Variants in ZNF469 observed in about 807,000 individuals in gnomAD.
The protein encoded by ZNF469 is zinc finger protein 469.
In ZNF469, 1 loss-of-function variant was observed where a neutral mutation model predicts 1.0. The observed-to-expected ratio is 1.00, with a 90% CI of 0.35 to 4.73. The LOEUF is 4.73. Ranked by LOEUF, ZNF469 falls within the 30% of genes most tolerant of loss-of-function variation. The pLI is 0.16. For synonymous variants in ZNF469, 2,703 were observed against 2,363.4 expected (o/e 1.14, Z -4.17); for missense variants, 6,100 against 5,356.3 (o/e 1.14, Z -4.33).
the ZNF469 span, among the ~76,000 whole-genome samples, chr16:88,303,489 C>T: frequency 2.0e-5 from 3 of 152,206 alleles, no homozygotes; most frequent in African/African-American, 7.2e-5. Flanking sequence ...GCAGCAGCAC[C>T]TGGCCCTGGC....
chr16:88,283,910 C>G, the ZNF469 span, among the ~76,000 whole-genome samples: 2 of 132,952 alleles, frequency 1.5e-5, no homozygotes, highest in Non-Finnish European at 3.1e-5. Context: ...GGCTGGTAGA[C>G]CCCCAGTGTG....
rs1182013106 is a variant in ZNF469 at position 88,404,508 on chromosome 16, G to A, written c.-191-20299G>A. Among the ~76,000 whole-genome samples, 90 of 152,362 alleles carry A rather than the reference G, an allele frequency of 5.9e-4. 1 individual carries two copies. Among genetic ancestry groups the A allele is most frequent in the Non-Finnish European group, 5.9e-5 (4 of 68,042 alleles). The stretch of plus-strand genomic sequence containing the variant: ...CTGTTAGGCCTTCGTGGTGGGGAGA[G>A]GAAGGGGCAGCTGTCATGGCTGAGC... On this transcript the variant is annotated intron_variant, in intron 1 of 2. Coordinates refer to ENST00000565624, the MANE Select transcript of ZNF469 (RefSeq NM_001367624.2).
rs1215114155 is a variant in ZNF469 at position 88,436,812 on chromosome 16, C to T, written c.9342C>T (p.Ser3114=). 1 of 1,540,230 alleles carries T rather than the reference C, an allele frequency of 6.5e-7. No homozygotes were observed. The highest frequency in any genetic ancestry group is 8.7e-7 in the Non-Finnish European group (1 of 1,146,054). Residue 3114 remains serine (S), a synonymous_variant, in exon 3 of 3, where the codon TCC becomes TCT. Coordinates refer to ENST00000565624, the MANE Select transcript of ZNF469 (RefSeq NM_001367624.2). ...RGRPAKGRRA[S]YKCKVCFQRF... ...GGCCGGCCAAGGGCAGGCGGGCCTC[C>T]TACAAGTGCAAAGTGTGCTTCCAGC...
chr16:88,139,008 A>C, the ZNF469 span, among the ~76,000 whole-genome samples: 1 of 152,246 alleles, frequency 6.6e-6, no homozygotes, highest in Admixed American at 6.5e-5. Flanking sequence ...CAATGTAAAC[A>C]CACAGACATT....
the ZNF469 span, among the ~76,000 whole-genome samples, chr16:88,270,029 C>T: frequency 6.6e-6 from 1 of 152,210 alleles, no homozygotes; most frequent in Non-Finnish European, 1.5e-5. Context: ...GACATCAGCA[C>T]TGCCTCCTGT....
At chr16:88,232,718 G>A in the ZNF469 span, among the ~76,000 whole-genome samples, 18 of 152,348 alleles carry the variant, frequency 1.2e-4, no homozygotes, top group East Asian at 1.9e-4. Flanking sequence ...CCCTGAGAAC[G>A]CCCTGCCTGG....
chr16:88,238,133 C>A, the ZNF469 span, among the ~76,000 whole-genome samples: 1,073 of 152,362 alleles, frequency 7.0e-3, 6 homozygotes, highest in African/African-American at 0.024. Flanking sequence ...TCACCTGTTT[C>A]TCTGTGCTCC....
the ZNF469 span, among the ~76,000 whole-genome samples, chr16:88,340,667 G>T: frequency 1.3e-5 from 2 of 152,182 alleles, no homozygotes; most frequent in African/African-American, 4.8e-5. Context: ...CAGCTTAACA[G>T]CCGGGAGCAC....
At chr16:88,253,211 T>C in the ZNF469 span, among the ~76,000 whole-genome samples, 1 of 152,176 alleles carries the variant, frequency 6.6e-6, no homozygotes, top group Admixed American at 6.5e-5. Flanking sequence ...ACGTTTCATT[T>C]CTCTTATGTG....
chr16:88,143,087 C>T, the ZNF469 span, among the ~76,000 whole-genome samples: 1 of 152,132 alleles, frequency 6.6e-6, no homozygotes, highest in Non-Finnish European at 1.5e-5. Context: ...GGCACTTCAC[C>T]GACACCCGGT....
upstream of ZNF469, among the ~76,000 whole-genome samples, chr16:88,382,315 G>A (rs1045816843): frequency 6.6e-6 from 1 of 152,248 alleles, no homozygotes; most frequent in African/African-American, 2.4e-5. Context: ...GCTGTGAATG[G>A]AGATGTTGGA....
chr16:88,357,464 G>C, the ZNF469 span, among the ~76,000 whole-genome samples: 1 of 152,106 alleles, frequency 6.6e-6, no homozygotes, highest in African/African-American at 2.4e-5. Flanking sequence ...TCCCGGCCCT[G>C]ATCCTGGGAG....
rs934414822 is a variant in ZNF469 at position 88,433,197 on chromosome 16, G to T, written c.5727G>T (p.Gly1909=). The T allele has an allele frequency of 6.5e-7, 1 of 1,550,332 alleles. No individual in the cohort carries two copies. The highest frequency in any genetic ancestry group is 8.7e-7 in the Non-Finnish European group (1 of 1,146,960). ...SPPIRQLQLP[G]PGVAKSKDGI... ...CCATACGTCAGCTCCAGCTCCCAGG[G>T]CCTGGAGTGGCTAAGAGTAAAGATG... Residue 1909 remains glycine (G), a synonymous_variant, in exon 3 of 3, where the codon GGG becomes GGT. Transcript: ENST00000565624.
the ZNF469 span, among the ~76,000 whole-genome samples, chr16:88,187,819 T>C: frequency 1.3e-5 from 2 of 151,348 alleles, no homozygotes; most frequent in Admixed American, 6.6e-5. Flanking sequence ...ATGTAACGAG[T>C]CTCAACTCTT....
At chr16:88,340,071 C>A in the ZNF469 span, among the ~76,000 whole-genome samples, 1 of 152,106 alleles carries the variant, frequency 6.6e-6, no homozygotes, top group Admixed American at 6.5e-5. Flanking sequence ...GCCACGGACA[C>A]CAGTCCTCTC....
At chr16:88,394,290 GACACGTCTAC>G (rs1904592075) in intron 1 of ZNF469, among the ~76,000 whole-genome samples, 1 of 152,180 alleles carries the variant, frequency 6.6e-6, no homozygotes, top group Non-Finnish European at 1.5e-5. Flanking sequence ...AGCAGGGTTT[GACACGTCTAC>G]ACCTGTGCTG....
the ZNF469 span, among the ~76,000 whole-genome samples, chr16:88,193,174 ATGGTGGTGATGGTGGTG>A: frequency 5.9e-4 from 3 of 5,092 alleles, no homozygotes; most frequent in African/African-American, 8.3e-4. Flanking sequence ...GGTGGTGGGG[ATGGTGGTGATGGTGGTG>A]GTGGTGATGG....
the ZNF469 span, among the ~76,000 whole-genome samples, chr16:88,182,764 C>T: frequency 1.3e-5 from 2 of 150,144 alleles, no homozygotes; most frequent in African/African-American, 4.9e-5. Flanking sequence ...GGTTGTAGAC[C>T]TGAAGGTAAA....
At chr16:88,256,289 A>G in the ZNF469 span, among the ~76,000 whole-genome samples, 1 of 152,270 alleles carries the variant, frequency 6.6e-6, no homozygotes, top group Non-Finnish European at 1.5e-5. Flanking sequence ...GATGTCACAT[A>G]GTTGGAAGCA....
Sources: allele counts gnomAD v4.1 joint callset (sites outside exome capture counted in the v4.1 genomes callset), GRCh38; gene constraint gnomAD v4.1.1; transcripts MANE v1.5; gene names NCBI Gene and HGNC (gene_info 2026-07-23, HGNC 2026-07-21).